FAM83B: variants seen among roughly 807,000 people sequenced by gnomAD.
The protein encoded by FAM83B is scaffolding CK1 anchoring protein B.
A neutral mutation model predicts 38.8 loss-of-function variants in FAM83B; 26 were observed. The observed-to-expected ratio is 0.67, with a 90% CI of 0.49 to 0.93. FAM83B has a LOEUF of 0.93. Ranked by LOEUF, FAM83B falls within the 40% of genes least tolerant of loss-of-function variation. FAM83B has a pLI of 0.00. For missense variants in FAM83B, 1,237 were observed against 1,197.3 expected, an observed-to-expected ratio of 1.03 and a Z score of -0.49; for synonymous variants, 419 against 423.1, an observed-to-expected ratio of 0.99 and a Z score of 0.12.
chr6:54,884,044 C>T (rs1331224635), intron 2 of FAM83B, among the ~76,000 whole-genome samples: 1 of 152,062 alleles, frequency 6.6e-6, no homozygotes, highest in African/African-American at 2.4e-5. Flanking sequence ...TGACTCACGC[C>T]TTTAATCCCA....
intron 2 of FAM83B, among the ~76,000 whole-genome samples, chr6:54,925,029 T>C (rs559965079): frequency 6.6e-6 from 1 of 152,310 alleles, no homozygotes; most frequent in South Asian, 2.1e-4. Context: ...CTTTAAGACA[T>C]TGTGATAACT....
At chr6:54,860,127 T>G (rs751945121) in intron 1 of FAM83B, among the ~76,000 whole-genome samples, 9 of 152,170 alleles carry the variant, frequency 5.9e-5, no homozygotes, top group Non-Finnish European at 1.0e-4. Context: ...TTATATAGTT[T>G]TGTAGCCTGC....
At chr6:54,850,084 C>G (rs1310509931) in intron 1 of FAM83B, among the ~76,000 whole-genome samples, 2 of 152,164 alleles carry the variant, frequency 1.3e-5, no homozygotes, top group Non-Finnish European at 2.9e-5. Context: ...TCTTAGGAAG[C>G]TTCCAGTTTA....
intron 2 of FAM83B, among the ~76,000 whole-genome samples, chr6:54,908,090 T>C (rs2127583652): frequency 6.6e-6 from 1 of 151,728 alleles, no homozygotes; most frequent in Admixed American, 6.6e-5. Context: ...CTGTCTAATT[T>C]GTTGACCAAA....
chr6:54,882,426 A>G (rs1225385405), intron 2 of FAM83B, among the ~76,000 whole-genome samples: 4 of 152,176 alleles, frequency 2.6e-5, no homozygotes, highest in African/African-American at 9.7e-5. Flanking sequence ...GAGGTGAGGA[A>G]TAAAAAAATA....
At chr6:54,900,612 CAG>C (rs900724491) in intron 2 of FAM83B, among the ~76,000 whole-genome samples, 4 of 152,070 alleles carry the variant, frequency 2.6e-5, no homozygotes, top group East Asian at 1.9e-4. Flanking sequence ...GTGTTGTTGA[CAG>C]GGGTAAAATA....
At chr6:54,919,042 A>G (rs992521334) in intron 2 of FAM83B, among the ~76,000 whole-genome samples, 1 of 152,108 alleles carries the variant, frequency 6.6e-6, no homozygotes, top group Non-Finnish European at 1.5e-5. Flanking sequence ...CATGCGTGGG[A>G]CACTTACCAG....
At chr6:54,852,642 G>A (rs1346851178) in intron 1 of FAM83B, among the ~76,000 whole-genome samples, 4 of 152,216 alleles carry the variant, frequency 2.6e-5, no homozygotes, top group African/African-American at 9.6e-5. Flanking sequence ...AGCTCAGTGA[G>A]GAAGTCATGT....
rs1171074389 is a variant in FAM83B, at chr6:54,942,493, ATAT to A, written c.*491_*493del. The stretch of plus-strand genomic sequence containing the variant: ...CGGGATAACTTGTTATATTTTATTA[ATAT>A]TATTTTTTCTGTGGATCATTGTACA... On this transcript the variant is annotated 3_prime_UTR_variant, in exon 5 of 5. Coordinates refer to ENST00000306858, the MANE Select transcript of FAM83B (RefSeq NM_001010872.3). 1.3e-5 allele frequency among the ~76,000 whole-genome samples: 2 copies of A among 151,968 alleles called. No homozygotes were observed. The highest frequency in any genetic ancestry group is 4.8e-5 in the African/African-American group (2 of 41,318).
chr6:54,883,011 T>C (rs1260808569), intron 2 of FAM83B, among the ~76,000 whole-genome samples: 1 of 152,160 alleles, frequency 6.6e-6, no homozygotes, highest in Non-Finnish European at 1.5e-5. Context: ...TGGCGCGATC[T>C]CAGCTCACTG....
At chr6:54,907,277 TA>T (rs1233755999) in intron 2 of FAM83B, among the ~76,000 whole-genome samples, 2 of 152,210 alleles carry the variant, frequency 1.3e-5, no homozygotes, top group East Asian at 3.8e-4. Context: ...AATCAAATGG[TA>T]TTTAAGAATA....
At chr6:54,938,328 A>G (rs1272931878) in intron 4 of FAM83B, among the ~76,000 whole-genome samples, 3 of 152,178 alleles carry the variant, frequency 2.0e-5, no homozygotes, top group African/African-American at 7.2e-5. Context: ...TGCTATAAAT[A>G]GGCATGTGCA....
At chr6:54,911,488 C>G (rs1269361869) in intron 2 of FAM83B, among the ~76,000 whole-genome samples, 1 of 152,096 alleles carries the variant, frequency 6.6e-6, no homozygotes, top group Non-Finnish European at 1.5e-5. Flanking sequence ...AAGTTACATA[C>G]TGTCACAAAT....
intron 2 of FAM83B, among the ~76,000 whole-genome samples, chr6:54,878,784 A>G (rs1013914061): frequency 2.6e-5 from 4 of 152,212 alleles, no homozygotes; most frequent in African/African-American, 4.8e-5. Context: ...TAAACCTGCT[A>G]TATTTTAACA....
chr6:54,879,894 T>C (rs1344247831), intron 2 of FAM83B, among the ~76,000 whole-genome samples: 2 of 152,162 alleles, frequency 1.3e-5, no homozygotes, highest in Non-Finnish European at 2.9e-5. Context: ...GCAAACAAAA[T>C]GTCTTTTCAA....
rs867880082 is a variant in FAM83B, at chr6:54,911,815, T to C, written c.445-14556T>C. On this transcript the variant is annotated intron_variant, in intron 2 of 4. Transcript: ENST00000306858. ...TCTCAAAATATTTCATTTGCCCAAATTGAAATTCTAATTTAAATGTTGCTG... is the reference window on the plus strand; with the variant it reads ...TCTCAAAATATTTCATTTGCCCAAACTGAAATTCTAATTTAAATGTTGCTG... Among the ~76,000 whole-genome samples the C allele has an allele frequency of 3.3e-5, 5 of 152,164 alleles. No individual in the cohort carries two copies. In the South Asian group the frequency reaches 6.2e-4, roughly 19 times the overall value.
At chr6:54,913,957 A>G (rs1772976586) in intron 2 of FAM83B, among the ~76,000 whole-genome samples, 1 of 152,218 alleles carries the variant, frequency 6.6e-6, no homozygotes, top group South Asian at 2.1e-4. Context: ...CCTAAAGAAT[A>G]AAAATAATAA....
At chr6:54,865,124 C>T (rs1380371600) in intron 1 of FAM83B, among the ~76,000 whole-genome samples, 6 of 152,104 alleles carry the variant, frequency 3.9e-5, no homozygotes, top group South Asian at 2.1e-4. Flanking sequence ...GCAGCTGTAA[C>T]GAAGTACCAA....
intron 1 of FAM83B, 139 bp downstream of exon 1, chr6:54,846,965 G>T (rs1333460761): frequency 6.6e-6 from 1 of 152,498 alleles, no homozygotes; most frequent in Non-Finnish European, 1.5e-5. Context: ...GAGGGATAGG[G>T]GACTCTCCCT....
Sources: gnomAD v4.1 joint callset for allele counts (sites outside exome capture counted in the v4.1 genomes callset) on GRCh38, gnomAD v4.1.1 for gene constraint, MANE v1.5 for transcripts, NCBI Gene and HGNC (gene_info 2026-07-23, HGNC 2026-07-21) for gene names.